DENND4A: variants seen among roughly 807,000 people sequenced by gnomAD.
DENND4A encodes the protein DENN domain containing 4A.
A neutral mutation model predicts 199.3 loss-of-function variants in DENND4A; 70 were observed. That is an observed-to-expected ratio of 0.35 (90% CI 0.29 to 0.43). The LOEUF is 0.43. DENND4A is among the 20% of genes least tolerant of loss of function. The pLI is 1.00. For missense variants in DENND4A, 1,723 were observed against 2,255.8 expected (o/e 0.76, Z 4.78); for synonymous variants, 686 against 766.9 (o/e 0.89, Z 1.74).
intron 23 of DENND4A, among the ~76,000 whole-genome samples, chr15:65,685,152 T>C (rs1392884154): frequency 6.7e-6 from 1 of 149,396 alleles, no homozygotes; most frequent in African/African-American, 2.5e-5. Flanking sequence ...TTTGAGACCG[T>C]GTCTCACTCT....
At chr15:65,718,022 T>C (rs1252954639) in intron 12 of DENND4A, 26 bp from the exon 13 acceptor site, 1 of 1,518,798 alleles carries the variant, frequency 6.6e-7, no homozygotes, top group Non-Finnish European at 8.9e-7. Flanking sequence ...GTGTTAGTGT[T>C]TTCTCCAAAC....
intron 15 of DENND4A, among the ~76,000 whole-genome samples, chr15:65,703,513 C>A (rs2142211726): frequency 6.6e-6 from 1 of 152,318 alleles, no homozygotes; most frequent in South Asian, 2.1e-4. Flanking sequence ...CTCACATTCT[C>A]ATGAATTGGT....
chr15:65,689,964 C>A (rs2076916754), intron 23 of DENND4A, among the ~76,000 whole-genome samples: 1 of 152,146 alleles, frequency 6.6e-6, no homozygotes, highest in South Asian at 2.1e-4. Context: ...TCTCTGATGA[C>A]TTTAAACAGA....
chr15:65,736,661 A>C (rs973481737), intron 7 of DENND4A, among the ~76,000 whole-genome samples: 1 of 152,160 alleles, frequency 6.6e-6, no homozygotes, highest in South Asian at 2.1e-4. Flanking sequence ...AGCTTGGTGC[A>C]GTGTCAAAAA....
At chr15:65,703,100 T>C (rs543532416) in intron 15 of DENND4A, 92 bp from the exon 16 acceptor site, 4 of 1,154,240 alleles carry the variant, frequency 3.5e-6, no homozygotes, top group Non-Finnish European at 4.8e-6. Flanking sequence ...TTACGACCAA[T>C]AACTTCTTCA....
rs139068880 is a variant in DENND4A, at chr15:65,732,738, CA to C, written c.1107+13del. The C allele has an allele frequency of 4.2e-3, 6,542 of 1,555,898 alleles. 212 individuals are homozygous for C. The African/African-American group carries it at 0.071, about 17-fold the overall frequency. On this transcript the variant is annotated intron_variant, in intron 8 of 32. Coordinates refer to ENST00000443035, the MANE Select transcript of DENND4A (RefSeq NM_001320835.1). ...AACTCATAGGTCCCCCAATCAAAAACAAAAAAACCTTACCTGAACTAAAATC... is the reference window on the plus strand; with the variant it reads ...AACTCATAGGTCCCCCAATCAAAAACAAAAAACCTTACCTGAACTAAAATC...
At chr15:65,683,012 T>C (rs2076634257) in intron 23 of DENND4A, among the ~76,000 whole-genome samples, 1 of 152,186 alleles carries the variant, frequency 6.6e-6, no homozygotes, top group African/African-American at 2.4e-5. Context: ...CCATAACAGA[T>C]ATAATAACAA....
At chr15:65,712,930 A>G (rs1052995304) in intron 14 of DENND4A, among the ~76,000 whole-genome samples, 4 of 152,208 alleles carry the variant, frequency 2.6e-5, no homozygotes, top group African/African-American at 9.6e-5. Context: ...TAAGCACAGT[A>G]TAAGTAACTT....
At chr15:65,745,043 C>T (rs944817873) in intron 4 of DENND4A, among the ~76,000 whole-genome samples, 2 of 152,154 alleles carry the variant, frequency 1.3e-5, no homozygotes, top group African/African-American at 4.8e-5. Context: ...TTCACACTCA[C>T]TTAATCAAGT....
intron 5 of DENND4A, among the ~76,000 whole-genome samples, chr15:65,741,479 G>C (rs1456495528): frequency 6.6e-6 from 1 of 151,976 alleles, no homozygotes; most frequent in Non-Finnish European, 1.5e-5. Context: ...AGATAATTGA[G>C]ATCTTATTAT....
intron 32 of DENND4A, 77 bp downstream of exon 32, chr15:65,664,253 A>C: frequency 1.2e-6 from 1 of 801,052 alleles, no homozygotes; most frequent in Non-Finnish European, 2.0e-6. Context: ...AATAAAGTAT[A>C]ACTACTAATA....
intron 23 of DENND4A, among the ~76,000 whole-genome samples, chr15:65,683,778 T>C (rs1324274951): frequency 1.3e-5 from 2 of 152,214 alleles, no homozygotes; most frequent in Non-Finnish European, 1.5e-5. Flanking sequence ...ATATTAAGTC[T>C]ACAATTCAAT....
intron 1 of DENND4A, among the ~76,000 whole-genome samples, chr15:65,764,950 T>A (rs7178191): frequency 0.11 from 15,827 of 142,026 alleles, 1,250 homozygotes; most frequent in African/African-American, 0.24. Flanking sequence ...CCAGCCTGGG[T>A]GACAGAGCGA....
chr15:65,755,982 AG>A (rs1333131841), intron 3 of DENND4A, among the ~76,000 whole-genome samples, 157 bp downstream of exon 3: 1 of 152,232 alleles, frequency 6.6e-6, no homozygotes, highest in Non-Finnish European at 1.5e-5. Flanking sequence ...GAGAGACAAA[AG>A]GAAACAGGGA....
intron 1 of DENND4A, among the ~76,000 whole-genome samples, chr15:65,770,786 A>G (rs1419841594): frequency 3.3e-5 from 5 of 152,230 alleles, no homozygotes; most frequent in Non-Finnish European, 7.3e-5. Context: ...GCAAAACACT[A>G]AAAGAATTTA....
At chr15:65,786,139 T>C (rs970462243) in intron 1 of DENND4A, among the ~76,000 whole-genome samples, 5 of 152,160 alleles carry the variant, frequency 3.3e-5, no homozygotes, top group Admixed American at 1.3e-4. Context: ...ACAAGAATAT[T>C]CATGAGGCAA....
intron 14 of DENND4A, among the ~76,000 whole-genome samples, chr15:65,708,755 C>T (rs1045365079): frequency 6.6e-5 from 10 of 152,104 alleles, no homozygotes; most frequent in African/African-American, 2.2e-4. Context: ...CTTGGGAAAC[C>T]AAGAAAAAAT....
At chr15:65,777,686 A>C (rs2077319474) in intron 1 of DENND4A, among the ~76,000 whole-genome samples, 1 of 152,148 alleles carries the variant, frequency 6.6e-6, no homozygotes, top group Non-Finnish European at 1.5e-5. Flanking sequence ...AAACCTCAAA[A>C]AAGAAAAGCA....
intron 23 of DENND4A, among the ~76,000 whole-genome samples, chr15:65,680,082 TGCAAGAGGAAAAACAAC>T (rs1052844912): frequency 6.6e-6 from 1 of 152,216 alleles, no homozygotes; most frequent in African/African-American, 2.4e-5. Context: ...CAACTACTCC[TGCAAGAGGAAAAACAAC>T]GCCTAGCCTA....
Sources: gnomAD v4.1 joint callset for allele counts (sites outside exome capture counted in the v4.1 genomes callset) on GRCh38, gnomAD v4.1.1 for gene constraint, MANE v1.5 for transcripts, NCBI Gene and HGNC (gene_info 2026-07-23, HGNC 2026-07-21) for gene names.